WEE2: variants seen among roughly 807,000 people sequenced by gnomAD.
WEE2 encodes the protein wee1-like protein kinase 2.
In WEE2, 50 loss-of-function variants were observed where a neutral mutation model predicts 60.1. The ratio of observed to expected loss-of-function variants is 0.83; its 90% CI spans 0.66 to 1.05. The LOEUF is 1.05. WEE2 is among the 50% of genes least tolerant of loss of function. The pLI is 0.00. For synonymous variants in WEE2, 240 were observed against 241.0 expected (o/e 1.00, Z 0.04); for missense variants, 631 against 684.3 (o/e 0.92, Z 0.87).
Position 141,720,141 on chromosome 7 carries a change from C to CTTTTTTTTTTT in WEE2, c.759-772_759-762dup, listed in dbSNP as rs571238574. Among the ~76,000 whole-genome samples, 51 of 64,200 alleles carry CTTTTTTTTTTT rather than the reference C, an allele frequency of 7.9e-4. 5 individuals carry two copies. The highest frequency in any genetic ancestry group is 3.6e-3 in the South Asian group (4 of 1,108). The allele number at this position is 64,200 out of a possible 152,430, so 42.1% of individuals were successfully genotyped here. A position where few individuals can be genotyped will look rare whatever the true frequency, so the allele number is the denominator to read the frequency against. ...GTTTTATACAGGTTTTAGAATTCCT[C>CTTTTTTTTTTT]TTTTTTTTTTTTTTTTTTTTTTTTT... On this transcript the variant is annotated intron_variant, in intron 4 of 11. Coordinates refer to ENST00000397541, the MANE Select transcript of WEE2 (RefSeq NM_001105558.1).
rs1798945787 is a variant in WEE2, at chr7:141,723,072, T to C, written c.881-62T>C. 2.5e-6 allele frequency: 4 copies of C among 1,592,994 alleles called. No individual in the cohort carries two copies. In the Admixed American group the frequency reaches 5.2e-5, roughly 21 times the overall value. On this transcript the variant is annotated intron_variant, in intron 5 of 11. Coordinates refer to ENST00000397541, the MANE Select transcript of WEE2 (RefSeq NM_001105558.1). ...CTGAAGATATAGGAGGCCAATTGTATTTACTATGCTTTCATCTATAAGACT... is the reference window on the plus strand; with the variant it reads ...CTGAAGATATAGGAGGCCAATTGTACTTACTATGCTTTCATCTATAAGACT...
intron 9 of WEE2, among the ~76,000 whole-genome samples, chr7:141,726,306 G>T (rs1799016470): frequency 6.6e-6 from 1 of 151,714 alleles, no homozygotes; most frequent in African/African-American, 2.4e-5. Context: ...TTTGGGACAG[G>T]GTCTCATTCT....
Position 141,719,116 on chromosome 7 carries a change from A to T in WEE2, c.630A>T (p.Lys210Asn). ...RETNMASRYE[K>N]EFLEVEKIGV... ...CCAACATGGCTTCCCGCTATGAAAA[A>T]GAATTCTTGGAGGTTGAAAAAATTG... Residue 210 changes from lysine (K) to asparagine (N), a missense_variant, in exon 4 of 12, where the codon AAA becomes AAT. Transcript: ENST00000397541. 6.2e-7 allele frequency: 1 copy of T among 1,614,084 alleles called. No homozygotes were observed. Among genetic ancestry groups the T allele is most frequent in the South Asian group, 1.1e-5 (1 of 91,072 alleles).
At chr7:141,725,275 A>G in intron 9 of WEE2, 79 bp downstream of exon 9, 1 of 1,480,174 alleles carries the variant, frequency 6.8e-7, no homozygotes, top group Non-Finnish European at 9.1e-7. Context: ...GCAAAGAAAA[A>G]TGGAGATGCT....
intron 5 of WEE2, among the ~76,000 whole-genome samples, chr7:141,721,812 T>G (rs1346266911): frequency 6.6e-6 from 1 of 152,172 alleles, no homozygotes; most frequent in Admixed American, 6.5e-5. Flanking sequence ...CCTTACTTAT[T>G]GTTTCTAATT....
rs757218291 is a variant in WEE2, at chr7:141,719,104, C to T, written c.618C>T (p.Ser206=). The T allele has an allele frequency of 1.9e-6, 3 of 1,613,802 alleles. No individual in the cohort carries two copies. The highest frequency in any genetic ancestry group is 2.2e-5 in the South Asian group (2 of 91,046). ...RCVLRETNMA[S]RYEKEFLEVE... is the part of the protein sequence containing the mutation. Reference sequence around the variant, plus strand: ...TTTTACGAGAAACCAACATGGCTTCCCGCTATGAAAAAGAATTCTTGGAGG... The same window carrying T: ...TTTTACGAGAAACCAACATGGCTTCTCGCTATGAAAAAGAATTCTTGGAGG... The change falls in exon 4 of 12, where the codon TCC becomes TCT. Residue 206 remains serine (S), a synonymous_variant. Coordinates refer to ENST00000397541, the MANE Select transcript of WEE2 (RefSeq NM_001105558.1).
chr7:141,709,772 T>A (rs1798683472), intron 1 of WEE2, among the ~76,000 whole-genome samples: 1 of 151,958 alleles, frequency 6.6e-6, no homozygotes, highest in African/African-American at 2.4e-5. Flanking sequence ...TAAGCAAGAG[T>A]CCCTAGTAGC....
chr7:141,708,957 G>C lies in WEE2; in HGVS notation c.199G>C (p.Asp67His). ...TCCCCTTAGCAACGTGCATGAGCTCGACACATCTTCGGAAAAAGACAAAGA... is the reference window on the plus strand; with the variant it reads ...TCCCCTTAGCAACGTGCATGAGCTCCACACATCTTCGGAAAAAGACAAAGA... ...WTPLSNVHEL[D>H]TSSEKDKESP... The change falls in exon 1 of 12, where the codon GAC (aspartate) becomes CAC (histidine). Residue 67 changes from aspartate (D) to histidine (H), a missense_variant. By Grantham distance (81) the Asp-to-His change is moderately conservative. Coordinates refer to ENST00000397541, the MANE Select transcript of WEE2 (RefSeq NM_001105558.1). 3.1e-6 allele frequency: 5 copies of C among 1,614,094 alleles called. No homozygotes were observed. The highest frequency in any genetic ancestry group is 4.2e-6 in the Non-Finnish European group (5 of 1,180,022).
chr7:141,712,718 C>T (rs1348506339), intron 1 of WEE2, among the ~76,000 whole-genome samples: 1 of 152,038 alleles, frequency 6.6e-6, no homozygotes, highest in East Asian at 1.9e-4. Flanking sequence ...TTTCTAGGCC[C>T]CTTATACTTT....
chr7:141,724,187 T>G lies in WEE2; in HGVS notation c.1136-3T>G. 6.2e-7 allele frequency: 1 copy of G among 1,600,012 alleles called. No individual in the cohort carries two copies. Among genetic ancestry groups the G allele is most frequent in the Non-Finnish European group, 8.5e-7 (1 of 1,176,598 alleles). ...ATTCTTTTTTCCTTTTTCTTTTTTT[T>G]AGGTGACCTGGGCCACGCAACATCA... On this transcript the variant is annotated splice_polypyrimidine_tract_variant and splice_region_variant and intron_variant, in intron 7 of 11. Transcript: ENST00000397541.
intron 9 of WEE2, among the ~76,000 whole-genome samples, chr7:141,726,872 A>C (rs537238802): frequency 1.3e-5 from 2 of 152,264 alleles, no homozygotes; most frequent in South Asian, 4.1e-4. Context: ...CTACCTTAAA[A>C]TAAATGCTTC....
chr7:141,712,074 A>C (rs1798718125), intron 1 of WEE2, among the ~76,000 whole-genome samples: 1 of 152,114 alleles, frequency 6.6e-6, no homozygotes, highest in Non-Finnish European at 1.5e-5. Flanking sequence ...ATGATATCCA[A>C]ATGATACCAG....
chr7:141,712,774 G>A (rs1798728079), intron 1 of WEE2, among the ~76,000 whole-genome samples: 1 of 152,068 alleles, frequency 6.6e-6, no homozygotes, highest in Non-Finnish European at 1.5e-5. Flanking sequence ...TCCAGGTGTG[G>A]CTACCCACTG....
Position 141,727,303 on chromosome 7 carries a change from G to T in WEE2, c.1393-1G>T. The T allele has an allele frequency of 6.2e-7, 1 of 1,613,664 alleles. No individual in the cohort carries two copies. Among genetic ancestry groups the T allele is most frequent in the Non-Finnish European group, 8.5e-7 (1 of 1,179,838 alleles). On this transcript the variant is annotated splice_acceptor_variant, in intron 9 of 11. Coordinates refer to ENST00000397541, the MANE Select transcript of WEE2 (RefSeq NM_001105558.1). LOFTEE classifies it high-confidence loss of function. ...CTTTCCTCTTGGTCCTATATCATCA[G>T]AACATGATCCAACCTGATGCCGAAC... is the stretch of plus-strand genomic sequence containing the variant.
Position 141,725,249 on chromosome 7 carries a change from G to A in WEE2, c.1392+53G>A, listed in dbSNP as rs1049194392. On this transcript the variant is annotated intron_variant, in intron 9 of 11. Coordinates refer to ENST00000397541, the MANE Select transcript of WEE2 (RefSeq NM_001105558.1). ...GATGCAATATCTATTTTTTTAGTGC[G>A]ATGGCAACTAGTTGGGCAAAGAAAA... 43 of 1,563,214 alleles carry A rather than the reference G, an allele frequency of 2.8e-5. 1 individual carries two copies. The East Asian group carries it at 7.5e-4, about 27-fold the overall frequency.
intron 4 of WEE2, among the ~76,000 whole-genome samples, chr7:141,720,141 C>CTTTTTT (rs571238574): frequency 0.013 from 856 of 64,206 alleles, 101 homozygotes; most frequent in East Asian, 0.029. Context: ...TAGAATTCCT[C>CTTTTTT]TTTTTTTTTT....
Position 141,715,111 on chromosome 7 carries a change from T to C in WEE2, c.539+706T>C, listed in dbSNP as rs116844536. Among the ~76,000 whole-genome samples, 1,152 of 152,344 alleles carry C rather than the reference T, an allele frequency of 7.6e-3. 10 individuals carry two copies. Among genetic ancestry groups the C allele is most frequent in the Middle Eastern group, 0.014 (4 of 294 alleles). On this transcript the variant is annotated intron_variant, in intron 2 of 11. Coordinates refer to ENST00000397541, the MANE Select transcript of WEE2 (RefSeq NM_001105558.1). ...ACTTTGCAGAGCATTTAATGTGCTA[T>C]GTCAAGTTGTTTCTTTGGAGTCAAT...
chr7:141,717,508 T>A (rs1310676572), intron 3 of WEE2, among the ~76,000 whole-genome samples: 1 of 152,224 alleles, frequency 6.6e-6, no homozygotes, highest in African/African-American at 2.4e-5. Context: ...AAGCATTGTA[T>A]TTAGTTACAC....
chr7:141,719,177 A>G lies in WEE2; in HGVS notation c.691A>G (p.Lys231Glu), dbSNP rs761099938. Reference sequence around the variant, plus strand: ...ATTTGGTACAGTCTACAAGTGCATTAAGAGGCTGGATGGATGTGTTTATGC... The same window carrying G: ...ATTTGGTACAGTCTACAAGTGCATTGAGAGGCTGGATGGATGTGTTTATGC... ...GEFGTVYKCI[K>E]RLDGCVYAIK... Residue 231 changes from lysine (K) to glutamate (E), a missense_variant, in exon 4 of 12, where the codon AAG becomes GAG. Lys to Glu is a moderately conservative substitution (Grantham distance 56, BLOSUM62 1). Transcript: ENST00000397541. 20 of 1,613,954 alleles carry G rather than the reference A, an allele frequency of 1.2e-5. No individual in the cohort carries two copies. The highest frequency in any genetic ancestry group is 6.7e-5 in the African/African-American group (5 of 74,944).
Sources: allele counts gnomAD v4.1 joint callset (sites outside exome capture counted in the v4.1 genomes callset), GRCh38; gene constraint gnomAD v4.1.1; transcripts MANE v1.5; gene names NCBI Gene and HGNC (gene_info 2026-07-23, HGNC 2026-07-21).